CSMD1: variants seen among roughly 807,000 people sequenced by gnomAD.
CSMD1 encodes the protein CUB and sushi domain-containing protein 1.
A neutral mutation model predicts 417.5 loss-of-function variants in CSMD1; 213 were observed. That is an observed-to-expected ratio of 0.51 (90% CI 0.46 to 0.57). The LOEUF is 0.57. CSMD1 is among the 20% of genes least tolerant of loss of function. CSMD1 has a pLI of 0.00. For synonymous variants in CSMD1, 2,862 were observed against 1,736.8 expected (o/e 1.65, Z -16.11); for missense variants, 6,923 against 4,529.7 (o/e 1.53, Z -15.17).
At chr8:4,551,853 T>A (rs71523634) in intron 2 of CSMD1, among the ~76,000 whole-genome samples, 1 of 138,482 alleles carries the variant, frequency 7.2e-6, no homozygotes, top group Non-Finnish European at 1.6e-5. Flanking sequence ...TAATTTTTTG[T>A]ATTTTTTTTT....
At chr8:4,617,236 T>C (rs1000576266) in intron 2 of CSMD1, among the ~76,000 whole-genome samples, 5 of 152,114 alleles carry the variant, frequency 3.3e-5, no homozygotes, top group African/African-American at 9.7e-5. Context: ...ATAAAGAAAA[T>C]ATAAATAAAA....
intron 7 of CSMD1, among the ~76,000 whole-genome samples, chr8:3,634,378 A>T (rs998669846): frequency 2.6e-5 from 4 of 152,166 alleles, no homozygotes. Context: ...TTCTATAGGC[A>T]CCGAGGCTCA....
chr8:3,915,207 A>C (rs553569793), intron 5 of CSMD1, among the ~76,000 whole-genome samples: 42 of 152,146 alleles, frequency 2.8e-4, no homozygotes, highest in Middle Eastern at 3.4e-3. Context: ...GGATTTCGAG[A>C]CCAGCCTGGC....
chr8:4,241,613 C>G (rs1212748951), intron 3 of CSMD1, among the ~76,000 whole-genome samples: 1 of 152,022 alleles, frequency 6.6e-6, no homozygotes, highest in Non-Finnish European at 1.5e-5. Context: ...TAGAGGATTT[C>G]TATGTAGAGG....
chr8:4,463,894 G>C (rs1266547104), intron 2 of CSMD1, among the ~76,000 whole-genome samples: 1 of 152,080 alleles, frequency 6.6e-6, no homozygotes, highest in Non-Finnish European at 1.5e-5. Flanking sequence ...TGTGGTATGT[G>C]AATCATTTCA....
intron 17 of CSMD1, among the ~76,000 whole-genome samples, chr8:3,391,987 T>A (rs919127830): frequency 6.6e-6 from 1 of 151,796 alleles, no homozygotes; most frequent in Non-Finnish European, 1.5e-5. Context: ...ACCATCATTC[T>A]CAGCAAACTA....
intron 17 of CSMD1, among the ~76,000 whole-genome samples, chr8:3,389,492 C>T (rs970085852): frequency 3.9e-5 from 6 of 152,114 alleles, no homozygotes; most frequent in East Asian, 3.9e-4. Flanking sequence ...GCACTGATCT[C>T]TAGGTTTCTG....
At chr8:4,252,013 T>A (rs1377654457) in intron 3 of CSMD1, among the ~76,000 whole-genome samples, 3 of 152,236 alleles carry the variant, frequency 2.0e-5, no homozygotes, top group East Asian at 3.9e-4. Flanking sequence ...AGAACTTACG[T>A]ATTTTTGAGT....
intron 1 of CSMD1, among the ~76,000 whole-genome samples, chr8:4,924,359 G>T (rs4626621): frequency 6.6e-6 from 1 of 151,282 alleles, no homozygotes; most frequent in South Asian, 2.1e-4. Flanking sequence ...AACGTTTTCT[G>T]TTCTATTTTT....
chr8:4,970,739 G>A (rs1810187802), intron 1 of CSMD1, among the ~76,000 whole-genome samples: 1 of 152,116 alleles, frequency 6.6e-6, no homozygotes, highest in African/African-American at 2.4e-5. Flanking sequence ...AAGTGTGCCT[G>A]CCGTGGTTCT....
chr8:3,381,068 C>A (rs1028449651), intron 18 of CSMD1, among the ~76,000 whole-genome samples: 1 of 152,048 alleles, frequency 6.6e-6, no homozygotes, highest in African/African-American at 2.4e-5. Context: ...AAGTCTCTTG[C>A]TTGGGTATAT....
At chr8:4,059,231 T>G (rs1798848185) in intron 3 of CSMD1, among the ~76,000 whole-genome samples, 1 of 152,134 alleles carries the variant, frequency 6.6e-6, no homozygotes, top group East Asian at 1.9e-4. Flanking sequence ...ATAAAGATGT[T>G]CTTTGAAACC....
intron 8 of CSMD1, among the ~76,000 whole-genome samples, chr8:3,615,128 G>C (rs1182619793): frequency 6.6e-6 from 1 of 152,138 alleles, no homozygotes; most frequent in Non-Finnish European, 1.5e-5. Context: ...TTAGCTGCCA[G>C]CTGGTGCATC....
At chr8:4,720,874 C>T (rs951132388) in intron 1 of CSMD1, among the ~76,000 whole-genome samples, 1 of 152,148 alleles carries the variant, frequency 6.6e-6, no homozygotes, top group African/African-American at 2.4e-5. Context: ...GATCCTAGTG[C>T]CGTCTCTGGT....
intron 5 of CSMD1, among the ~76,000 whole-genome samples, chr8:3,893,189 G>A (rs1037923129): frequency 6.6e-6 from 1 of 150,764 alleles, no homozygotes; most frequent in South Asian, 2.1e-4. Context: ...ATGTTCCCAG[G>A]GCACGTCAGA....
intron 3 of CSMD1, among the ~76,000 whole-genome samples, chr8:4,225,941 T>C (rs1188417574): frequency 1.3e-5 from 2 of 152,224 alleles, no homozygotes; most frequent in South Asian, 2.1e-4. Context: ...TAGAATTTAT[T>C]TGAATGTGAA....
At chr8:3,128,841 A>T (rs1323396128) in intron 41 of CSMD1, 2 of 452,494 alleles carry the variant, frequency 4.4e-6, no homozygotes, top group East Asian at 1.4e-4. Context: ...TCTCCTTGAC[A>T]TCTGGCTTGG....
intron 1 of CSMD1, among the ~76,000 whole-genome samples, chr8:4,724,279 C>G (rs1291890794): frequency 6.6e-6 from 1 of 151,948 alleles, no homozygotes; most frequent in Admixed American, 6.6e-5. Context: ...GATATATAAG[C>G]TATGTCAAAT....
chr8:3,705,582 T>A (rs1440175724), intron 7 of CSMD1, among the ~76,000 whole-genome samples: 1 of 152,058 alleles, frequency 6.6e-6, no homozygotes, highest in Non-Finnish European at 1.5e-5. Flanking sequence ...GCTTACAGAA[T>A]AAAAAATACT....
Sources: allele counts gnomAD v4.1 joint callset (sites outside exome capture counted in the v4.1 genomes callset), GRCh38; gene constraint gnomAD v4.1.1; transcripts MANE v1.5; gene names NCBI Gene and HGNC (gene_info 2026-07-23, HGNC 2026-07-21).